Variants in ILF2 observed in about 807,000 individuals in gnomAD.
The protein encoded by ILF2 is interleukin enhancer binding factor 2, also known as interleukin enhancer-binding factor 2.
Under a neutral mutation model 55.3 loss-of-function variants are expected in ILF2, and 9 were observed. The observed-to-expected ratio is 0.16, with a 90% CI of 0.10 to 0.28. The LOEUF (loss-of-function observed/expected upper bound fraction) is 0.28. Ranked by LOEUF, ILF2 falls within the 10% of genes least tolerant of loss-of-function variation. ILF2 has a pLI of 1.00. For synonymous variants in ILF2, 151 were observed against 161.8 expected (o/e 0.93, Z 0.50); for missense variants, 266 against 474.9 (o/e 0.56, Z 4.09).
chr1:153,663,110 G>A lies in ILF2; in HGVS notation c.830C>T (p.Ala277Val). Residue 277 changes from alanine (A) to valine (V), a missense_variant, in exon 12 of 14, where the codon GCA becomes GTA. Ala to Val is a moderately conservative substitution (Grantham distance 64). Coordinates refer to ENST00000361891, the MANE Select transcript of ILF2 (RefSeq NM_004515.4). ...AYRRCLQILA[A>V]GLFLPGSVGI... is the part of the protein sequence containing the mutation. ...CACTGAACCTGGCAGGAACAGTCCT[G>A]CAGCCAGAATCTGCAAGCAGCGCCT... 6.2e-7 allele frequency: 1 copy of A among 1,614,144 alleles called. No homozygotes were observed. Among genetic ancestry groups the A allele is most frequent in the Non-Finnish European group, 8.5e-7 (1 of 1,180,022 alleles).
At chr1:153,664,619 G>T in intron 8 of ILF2, 145 bp from the exon 9 acceptor site, 2 of 672,906 alleles carry the variant, frequency 3.0e-6, no homozygotes, top group Non-Finnish European at 5.3e-6. Flanking sequence ...GCGTACAGTG[G>T]CGTGATCTCA....
chr1:153,664,506 A>C, intron 8 of ILF2, 32 bp from the exon 9 acceptor site: 1 of 1,536,996 alleles, frequency 6.5e-7, no homozygotes, highest in Non-Finnish European at 9.0e-7. Flanking sequence ...GCCAGGATGA[A>C]ACATTTTCAT....
chr1:153,662,928 G>T, intron 12 of ILF2, 91 bp downstream of exon 12: 2 of 1,326,380 alleles, frequency 1.5e-6, no homozygotes, highest in Non-Finnish European at 2.2e-6. Context: ...CCAAATTCCT[G>T]ACCCGTAAAG....
In ILF2 at chr1:153,662,154, T is replaced by A. The variant is rs1345262357; in HGVS notation, c.*242A>T. The A allele has an allele frequency of 4.6e-6, 2 of 438,960 alleles. No homozygotes were observed. The highest frequency in any genetic ancestry group is 7.5e-5 in the Admixed American group (2 of 26,606). 27.2% of individuals were successfully genotyped at this position (438,960 alleles called of 1,614,324 possible). A position where few individuals can be genotyped will look rare whatever the true frequency, so the allele number is the denominator to read the frequency against. On this transcript the variant is annotated 3_prime_UTR_variant, in exon 14 of 14. Coordinates refer to ENST00000361891, the MANE Select transcript of ILF2 (RefSeq NM_004515.4). ...GAGAGGGGTTTTCAGGAGTTGGAGA[T>A]TATAGAATATTAGGAAGAAATGTTG... is the stretch of plus-strand genomic sequence containing the variant.
chr1:153,670,712 C>T (rs1193069316), intron 1 of ILF2, among the ~76,000 whole-genome samples: 1 of 152,096 alleles, frequency 6.6e-6, no homozygotes, highest in African/African-American at 2.4e-5. Context: ...CCCCTCCCCA[C>T]TCCTGGGCCC....
Position 153,662,308 on chromosome 1 carries a change from G to T in ILF2, c.*88C>A. 1 of 1,535,244 alleles carries T rather than the reference G, an allele frequency of 6.5e-7. No homozygotes were observed. Among genetic ancestry groups the T allele is most frequent in the Non-Finnish European group, 8.9e-7 (1 of 1,128,910 alleles). Reference sequence around the variant, plus strand: ...CTTCCTGCTATCTTCCCTATCCCACGGAAATGTCTGTCACCATGTAAAGCC... The same window carrying T: ...CTTCCTGCTATCTTCCCTATCCCACTGAAATGTCTGTCACCATGTAAAGCC... On this transcript the variant is annotated 3_prime_UTR_variant, in exon 14 of 14. Transcript: ENST00000361891.
intron 8 of ILF2, among the ~76,000 whole-genome samples, chr1:153,664,878 C>T (rs947785308): frequency 6.6e-6 from 1 of 152,190 alleles, no homozygotes; most frequent in African/African-American, 2.4e-5. Flanking sequence ...TTCTTTAAGC[C>T]ACCCTGTGTT....
chr1:153,665,594 A>C (rs1318139627), intron 7 of ILF2, 69 bp downstream of exon 7: 1 of 1,284,030 alleles, frequency 7.8e-7, no homozygotes, highest in Non-Finnish European at 1.1e-6. Context: ...ATTTTGTTGA[A>C]AGTGTACTTA....
At chr1:153,670,085 T>C in intron 2 of ILF2, 86 bp downstream of exon 2, 1 of 1,412,936 alleles carries the variant, frequency 7.1e-7, no homozygotes, top group Non-Finnish European at 1.0e-6. Context: ...CAAAACCAAG[T>C]GACATTAGTC....
intron 7 of ILF2, 55 bp downstream of exon 7, chr1:153,665,608 T>TA (rs1669287247): frequency 1.4e-6 from 2 of 1,388,698 alleles, no homozygotes; most frequent in Admixed American, 3.3e-5. Context: ...GTACTTACAA[T>TA]TACAAGACCT....
In ILF2 at chr1:153,668,492, C is replaced by T. The variant is rs2229382; in HGVS notation, c.174G>A (p.Leu58=). The T allele has an allele frequency of 2.7e-3, 4,388 of 1,614,176 alleles. 116 individuals are homozygous for T. The African/African-American group carries it at 0.053, about 20-fold the overall frequency. The change falls in exon 4 of 14, where the codon CTG becomes CTA. Residue 58 remains leucine, a synonymous_variant. Coordinates refer to ENST00000361891, the MANE Select transcript of ILF2 (RefSeq NM_004515.4). ...PDETSFSEAL[L]KRNQDLAPNS... ...TGGGAGCCAGGTCCTGATTCCTCTT[C>T]AGCAAGGCCTCACTGAAGGAAGTTT...
At chr1:153,665,817 G>T (rs1211591827) in intron 6 of ILF2, 89 bp from the exon 7 acceptor site, 3 of 952,718 alleles carry the variant, frequency 3.1e-6, no homozygotes, top group East Asian at 4.8e-5. Flanking sequence ...TCTCATTTCT[G>T]TCCCATATCC....
At chr1:153,665,787 A>C in intron 6 of ILF2, 59 bp from the exon 7 acceptor site, 4 of 1,297,618 alleles carry the variant, frequency 3.1e-6, no homozygotes, top group Admixed American at 3.7e-5. Context: ...CTTTCTATGT[A>C]TCTCTAAGCT....
intron 6 of ILF2, among the ~76,000 whole-genome samples, chr1:153,667,094 C>T (rs1246964959): frequency 1.3e-5 from 2 of 152,168 alleles, no homozygotes; most frequent in African/African-American, 4.8e-5. Context: ...TACACTCCAG[C>T]CAGGGCAACA....
At chr1:153,663,601 G>A (rs1325983129) in intron 10 of ILF2, among the ~76,000 whole-genome samples, 2 of 151,834 alleles carry the variant, frequency 1.3e-5, no homozygotes, top group African/African-American at 4.8e-5. Flanking sequence ...CCAAAGTGCT[G>A]GGATTACAGG....
intron 13 of ILF2, 41 bp from the exon 14 acceptor site, chr1:153,662,597 A>G (rs748789779): frequency 3.2e-6 from 5 of 1,586,024 alleles, no homozygotes; most frequent in Admixed American, 1.7e-5. Flanking sequence ...GTAGCCCAGC[A>G]TAAAAGTCAT....
chr1:153,668,233 G>A (rs1669357926), intron 4 of ILF2, among the ~76,000 whole-genome samples, 156 bp from the exon 5 acceptor site: 1 of 152,160 alleles, frequency 6.6e-6, no homozygotes, highest in African/African-American at 2.4e-5. Context: ...TATGGGAAGA[G>A]AACAACTCTT....
chr1:153,670,334 A>G, intron 1 of ILF2, 104 bp from the exon 2 acceptor site: 1 of 1,095,146 alleles, frequency 9.1e-7, no homozygotes, highest in Admixed American at 1.9e-5. Flanking sequence ...ACGGTAGGCA[A>G]GAGACCCCAC....
Position 153,670,177 on chromosome 1 carries a change from C to A in ILF2, c.59G>T (p.Gly20Val), listed in dbSNP as rs756047095. The stretch of plus-strand genomic sequence containing the variant: ...GCTAAAAGCTGGTACTCACCCTCCT[C>A]CTGGGCCTCCTCTGGAACCAAAGCG... ...GGRFGSRGGP[G>V]GGFRPFVPHI... is the part of the protein sequence containing the mutation. Residue 20 changes from glycine to valine, a missense_variant, in exon 2 of 14, where the codon GGA (glycine) becomes GTA (valine). Transcript: ENST00000361891. The A allele has an allele frequency of 6.2e-6, 10 of 1,614,128 alleles. No individual in the cohort carries two copies. Among genetic ancestry groups the A allele is most frequent in the Non-Finnish European group, 8.5e-6 (10 of 1,179,988 alleles).
Sources: allele counts gnomAD v4.1 joint callset (sites outside exome capture counted in the v4.1 genomes callset), GRCh38; gene constraint gnomAD v4.1.1; transcripts MANE v1.5; gene names NCBI Gene and HGNC (gene_info 2026-07-23, HGNC 2026-07-21).